The following FBXL3 variants were observed in gnomAD, a reference collection of about 807,000 sequenced individuals.
The protein encoded by FBXL3 is F-box and leucine rich repeat protein 3, also known as F-box/LRR-repeat protein 3.
FBXL3 carries 14 observed loss-of-function variants against 37.9 expected under a neutral mutation model. The observed-to-expected ratio is 0.37, with a 90% confidence interval of 0.24 to 0.58. FBXL3 has a LOEUF of 0.58. Among genes scored for constraint, FBXL3 ranks in the 20% least tolerant of loss-of-function variants. The pLI is 0.74. For missense variants in FBXL3, 327 were observed against 511.1 expected, an observed-to-expected ratio of 0.64 and a Z score of 3.47; for synonymous variants, 194 against 180.1, an observed-to-expected ratio of 1.08 and a Z score of -0.62.
At chr13:77,010,094 T>TG (rs1278912679) in intron 4 of FBXL3, 2 of 152,106 alleles carry the variant, frequency 1.3e-5, no homozygotes, top group Non-Finnish European at 2.9e-5. Flanking sequence ...CACACGCTGG[T>TG]GCCTGTCGGG....
chr13:77,007,307 G>A lies in FBXL3; in HGVS notation c.1125C>T (p.Ala375=). 2 of 1,614,082 alleles carry A rather than the reference G, an allele frequency of 1.2e-6. No homozygotes were observed. The highest frequency in any genetic ancestry group is 1.7e-6 in the Non-Finnish European group (2 of 1,180,022). ...CACACATCTTCACAAACTCAACAAAGGCACTACATGAGACTTCACATTCCC... is the reference window on the plus strand; with the variant it reads ...CACACATCTTCACAAACTCAACAAAAGCACTACATGAGACTTCACATTCCC... ...GLGECEVSCS[A]FVEFVKMCGG... Residue 375 remains alanine, a synonymous_variant, in exon 5 of 5, where the codon GCC becomes GCT. Coordinates refer to ENST00000355619, the MANE Select transcript of FBXL3 (RefSeq NM_012158.4).
At position 77,021,923 on chromosome 13, in the gene FBXL3, ATTCAT is replaced by A; in HGVS notation, c.-1-67_-1-63del. 2.2e-6 allele frequency: 3 copies of A among 1,334,002 alleles called. No homozygotes were observed. The South Asian group carries it at 4.2e-5, about 19-fold the overall frequency. The allele number at this position is 1,334,002 out of a possible 1,614,324, so 82.6% of individuals were successfully genotyped here. A position where few individuals can be genotyped will look rare whatever the true frequency, so the allele number is the denominator to read the frequency against. On this transcript the variant is annotated intron_variant, in intron 1 of 4. Coordinates refer to ENST00000355619, the MANE Select transcript of FBXL3 (RefSeq NM_012158.4). ...ACTTTTGAATAGAAATAAACTCAAAATTCATTCTTCTGTCACTGAGATGTGTGTTT... is the reference window on the plus strand; with the variant it reads ...ACTTTTGAATAGAAATAAACTCAAAATCTTCTGTCACTGAGATGTGTGTTT...
chr13:77,021,210 A>G (rs73539766), intron 2 of FBXL3, among the ~76,000 whole-genome samples: 159 of 152,280 alleles, frequency 1.0e-3, no homozygotes, highest in African/African-American at 3.7e-3. Flanking sequence ...TTATTTTATT[A>G]GATATTTCTT....
intron 4 of FBXL3, among the ~76,000 whole-genome samples, chr13:77,012,085 T>C (rs2034565155): frequency 6.6e-6 from 1 of 152,210 alleles, no homozygotes; most frequent in South Asian, 2.1e-4. Flanking sequence ...TAGTGGTTGT[T>C]GAGGGATGGC....
intron 1 of FBXL3, chr13:77,026,354 G>T: frequency 3.0e-6 from 3 of 985,192 alleles, no homozygotes; most frequent in Non-Finnish European, 3.6e-6. Flanking sequence ...CCACCGACTG[G>T]CTTCCCCTGA....
intron 1 of FBXL3, chr13:77,026,364 A>C (rs1217815203): frequency 1.0e-6 from 1 of 985,062 alleles, no homozygotes; most frequent in African/African-American, 1.7e-5. Flanking sequence ...GCTTCCCCTG[A>C]CATTTCTCAT....
At chr13:77,020,779 T>C (rs866787081) in intron 2 of FBXL3, among the ~76,000 whole-genome samples, 2 of 152,128 alleles carry the variant, frequency 1.3e-5, no homozygotes, top group African/African-American at 4.8e-5. Context: ...TCACCAAGGC[T>C]GTAGTACAGC....
intron 4 of FBXL3, among the ~76,000 whole-genome samples, chr13:77,008,210 A>C (rs1792664568): frequency 1.3e-5 from 2 of 152,246 alleles, no homozygotes; most frequent in African/African-American, 4.8e-5. Context: ...ATCCTAATAA[A>C]AACAGAGTAA....
intron 4 of FBXL3, among the ~76,000 whole-genome samples, chr13:77,011,915 A>AC (rs1392747872): frequency 1.3e-5 from 2 of 152,186 alleles, no homozygotes; most frequent in Non-Finnish European, 1.5e-5. Context: ...TCAAATGGGG[A>AC]GTATGATCAC....
intron 2 of FBXL3, among the ~76,000 whole-genome samples, chr13:77,020,486 G>A (rs778341115): frequency 5.9e-5 from 9 of 152,078 alleles, no homozygotes; most frequent in Non-Finnish European, 1.2e-4. Flanking sequence ...ATTCTTCGAG[G>A]GAAGACAAGA....
intron 1 of FBXL3, chr13:77,026,106 T>G: frequency 1.1e-6 from 1 of 893,158 alleles, no homozygotes; most frequent in Non-Finnish European, 1.3e-6. Context: ...GGATTCTAAT[T>G]AAAAAATCTG....
Position 77,022,607 on chromosome 13 carries a change from G to A in FBXL3, c.-1-746C>T, listed in dbSNP as rs142658476. 2.1e-3 allele frequency among the ~76,000 whole-genome samples: 323 copies of A among 152,310 alleles called. 4 individuals carry two copies. The highest frequency in any genetic ancestry group is 5.5e-3 in the African/African-American group (230 of 41,570). On this transcript the variant is annotated intron_variant, in intron 1 of 4. Coordinates refer to ENST00000355619, the MANE Select transcript of FBXL3 (RefSeq NM_012158.4). ...TGGGCTATGCTATGTGTTACTGCCAGACATTTCTTAACTCCGCCTAAAATA... is the reference window on the plus strand; with the variant it reads ...TGGGCTATGCTATGTGTTACTGCCAAACATTTCTTAACTCCGCCTAAAATA...
At chr13:77,012,113 G>A (rs569800106) in intron 4 of FBXL3, among the ~76,000 whole-genome samples, 1 of 152,266 alleles carries the variant, frequency 6.6e-6, no homozygotes, top group East Asian at 1.9e-4. Flanking sequence ...GAGGTTTTGG[G>A]GGCAACAGCT....
At chr13:77,012,123 T>C (rs998774956) in intron 4 of FBXL3, among the ~76,000 whole-genome samples, 1 of 152,214 alleles carries the variant, frequency 6.6e-6, no homozygotes, top group Non-Finnish European at 1.5e-5. Context: ...GGGCAACAGC[T>C]AAGAGGTATG....
At chr13:77,026,572 C>T (rs1244679880) in intron 1 of FBXL3, among the ~76,000 whole-genome samples, 2 of 152,114 alleles carry the variant, frequency 1.3e-5, no homozygotes, top group South Asian at 2.1e-4. Context: ...AGGCTGCAGG[C>T]GGCCGCCGCA....
intron 2 of FBXL3, among the ~76,000 whole-genome samples, chr13:77,021,076 A>G (rs2034734381): frequency 6.6e-6 from 1 of 152,168 alleles, no homozygotes; most frequent in Non-Finnish European, 1.5e-5. Flanking sequence ...AATCTTCTAC[A>G]TAAAGTTTCT....
chr13:77,023,345 A>AGAGAGTGTGTGTGTGTGT (rs199568005), intron 1 of FBXL3, among the ~76,000 whole-genome samples: 1 of 147,504 alleles, frequency 6.8e-6, no homozygotes, highest in Admixed American at 6.7e-5. Context: ...AGAGAGAGAG[A>AGAGAGTGTGTGTGTGTGT]GTGTGTGTGT....
At position 77,027,100 on chromosome 13, in the gene FBXL3, C is replaced by T. The variant is rs1458553043; in HGVS notation, c.-275G>A. 1 of 151,996 alleles carries T rather than the reference C, an allele frequency of 6.6e-6. No homozygotes were observed. The highest frequency in any genetic ancestry group is 1.5e-5 in the Non-Finnish European group (1 of 68,018). 9.4% of individuals were successfully genotyped at this position (151,996 alleles called of 1,614,324 possible). ...GGATCCCCGGCGCCGCGAGAGACTA[C>T]CTCAGCGAGCGGCTGCCACCGCGTA... On this transcript the variant is annotated 5_prime_UTR_variant, in exon 1 of 5. Transcript: ENST00000355619.
chr13:77,018,375 C>T (rs1162833058), intron 3 of FBXL3: 1 of 310,590 alleles, frequency 3.2e-6, no homozygotes, highest in Non-Finnish European at 5.7e-6. Context: ...CCTATAGACG[C>T]CTCTGTAAAT....
Sources: gnomAD v4.1 joint callset for allele counts (sites outside exome capture counted in the v4.1 genomes callset) on GRCh38, gnomAD v4.1.1 for gene constraint, MANE v1.5 for transcripts, NCBI Gene and HGNC (gene_info 2026-07-23, HGNC 2026-07-21) for gene names.